BOK: variants seen among roughly 807,000 people sequenced by gnomAD.
BOK encodes BCL2 family apoptosis regulator BOK, also known as bcl-2-related ovarian killer protein.
BOK carries 20 observed loss-of-function variants against 18.3 expected under a neutral mutation model. The ratio of observed to expected loss-of-function variants is 1.09; its 90% CI spans 0.77 to 1.59. The LOEUF (loss-of-function observed/expected upper bound fraction) is 1.59, where lower values mean the gene tolerates loss of function less well. Ranked by LOEUF, BOK falls within the 40% of genes most tolerant of loss-of-function variation. The pLI is 0.00. For missense variants in BOK, 348 were observed against 307.9 expected (o/e 1.13, Z -0.97); for synonymous variants, 173 against 142.4 (o/e 1.21, Z -1.53).
chr2:241,562,193 T>C lies in BOK; in HGVS notation c.221-155T>C, dbSNP rs1338132796. Among the ~76,000 whole-genome samples, 1 of 152,088 alleles carries C rather than the reference T, an allele frequency of 6.6e-6. No homozygotes were observed. Among genetic ancestry groups the C allele is most frequent in the African/African-American group, 2.4e-5 (1 of 41,426 alleles). On this transcript the variant is annotated intron_variant, in intron 2 of 4. Transcript: ENST00000318407. This position sits in a 1 kb window ranked among gnomAD's most constrained non-coding sequence, Gnocchi z 4.5. Reference sequence around the variant, plus strand: ...GGGGGATGGCCCAAGGGAGGTCAGATGGGGTCAAGTGGAGGTGGGAATCAG... The same window carrying C: ...GGGGGATGGCCCAAGGGAGGTCAGACGGGGTCAAGTGGAGGTGGGAATCAG...
intron 4 of BOK, 142 bp downstream of exon 4, chr2:241,570,430 AGTGGCGG>A: frequency 2.9e-5 from 2 of 69,162 alleles, no homozygotes; most frequent in Non-Finnish European, 2.4e-5. Flanking sequence ...TACGGGAGGG[AGTGGCGG>A]ATGGGTGAGT....
At chr2:241,561,294 A>C (rs1342341350) in intron 2 of BOK, among the ~76,000 whole-genome samples, 2 of 152,258 alleles carry the variant, frequency 1.3e-5, no homozygotes, top group African/African-American at 2.4e-5. Flanking sequence ...CAAGGGTGCC[A>C]CAGGCAGCAC....
At chr2:241,553,910 C>A (rs2066432335), upstream of BOK, among the ~76,000 whole-genome samples, 1 of 152,186 alleles carries the variant, frequency 6.6e-6, no homozygotes, top group Non-Finnish European at 1.5e-5. Context: ...TGGAAGCCTT[C>A]CAAGACCGGC....
intron 2 of BOK, among the ~76,000 whole-genome samples, chr2:241,561,953 C>G (rs1000999794): frequency 2.0e-5 from 3 of 152,254 alleles, no homozygotes; most frequent in African/African-American, 7.2e-5. Flanking sequence ...CAGCCCCTCC[C>G]CACGTCGGGG....
intron 3 of BOK, 83 bp from the exon 4 acceptor site, chr2:241,570,042 G>A (rs537638546): frequency 1.2e-4 from 183 of 1,470,726 alleles, no homozygotes; most frequent in African/African-American, 1.7e-4. Flanking sequence ...GCAGGACAGC[G>A]GCTCAGAGAG....
chr2:241,557,002 C>T (rs2066457732), upstream of BOK, among the ~76,000 whole-genome samples: 1 of 152,144 alleles, frequency 6.6e-6, no homozygotes, highest in Non-Finnish European at 1.5e-5. Flanking sequence ...AATGCACTGT[C>T]AAAAAGTCCT....
In BOK at chr2:241,573,680, A is replaced by G. The variant is rs1290592722; in HGVS notation, c.*1258A>G. The G allele has an allele frequency of 6.6e-6, 1 of 152,228 alleles. No homozygotes were observed. Among genetic ancestry groups the G allele is most frequent in the Admixed American group, 6.5e-5 (1 of 15,274 alleles). 9.4% of individuals were successfully genotyped at this position (152,228 alleles called of 1,614,324 possible). A position where few individuals can be genotyped will look rare whatever the true frequency, so the allele number is the denominator to read the frequency against. On this transcript the variant is annotated 3_prime_UTR_variant, in exon 5 of 5. Transcript: ENST00000318407. ...TGTTGCATGAGTCGGATCCCAGTCC[A>G]TTGTCAGTGGAGGGTGAGGGTGACC...
At position 241,572,789 on chromosome 2, in the gene BOK, C is replaced by A. The variant is rs1275464088; in HGVS notation, c.*367C>A. 1 of 245,462 alleles carries A rather than the reference C, an allele frequency of 4.1e-6. No individual in the cohort carries two copies. Among genetic ancestry groups the A allele is most frequent in the South Asian group, 6.3e-5 (1 of 15,952 alleles). The allele number at this position is 245,462 out of a possible 1,614,324, so 15.2% of individuals were successfully genotyped here. ...AGCCCCAGGTGAAGGGGCCCGGGAA[C>A]ACCTGCTCTCACCTGAGCCCCAGGT... On this transcript the variant is annotated 3_prime_UTR_variant, in exon 5 of 5. Transcript: ENST00000318407.
Position 241,572,533 on chromosome 2 carries a change from C to G in BOK, c.*111C>G. Reference sequence around the variant, plus strand: ...CACCCGAGCCTGGAGCACTCTAACCCTCGGAGACCCCCTAAGCCCCGTTCC... The same window carrying G: ...CACCCGAGCCTGGAGCACTCTAACCGTCGGAGACCCCCTAAGCCCCGTTCC... On this transcript the variant is annotated 3_prime_UTR_variant, in exon 5 of 5. Transcript: ENST00000318407. The G allele has an allele frequency of 1.4e-6, 2 of 1,453,512 alleles. No homozygotes were observed. The highest frequency in any genetic ancestry group is 1.8e-6 in the Non-Finnish European group (2 of 1,090,202). 90.0% of individuals were successfully genotyped at this position (1,453,512 alleles called of 1,614,324 possible).
intron 2 of BOK, chr2:241,560,381 G>A: frequency 2.5e-6 from 2 of 805,346 alleles, no homozygotes; most frequent in African/African-American, 3.7e-5. Flanking sequence ...GGCACATGGG[G>A]CGCCTGTGGC....
intron 1 of BOK, among the ~76,000 whole-genome samples, chr2:241,552,818 CGTGGGCCTTTGTGG>C (rs1386312964): frequency 6.6e-6 from 1 of 152,208 alleles, no homozygotes; most frequent in Non-Finnish European, 1.5e-5. Context: ...GCCATGGCTC[CGTGGGCCTTTGTGG>C]GCAGGTACTG....
In BOK at chr2:241,570,281, G is replaced by A; in HGVS notation, c.506G>A (p.Gly169Asp). ...CTGGCAACCTGGCTGCGGAGACGCG[G>A]CGGATGGGTGAGCGCCTGAGTGCCC... ...KTLATWLRRRGGWTDVLKCVV... is the reference protein window; with the variant it reads ...KTLATWLRRRDGWTDVLKCVV... Residue 169 changes from glycine (G) to aspartate (D), a missense_variant, in exon 4 of 5, where the codon GGC becomes GAC. Transcript: ENST00000318407. 3 of 1,557,266 alleles carry A rather than the reference G, an allele frequency of 1.9e-6. No homozygotes were observed. The highest frequency in any genetic ancestry group is 2.6e-6 in the Non-Finnish European group (3 of 1,151,998).
rs2066553012 is a variant in BOK, at chr2:241,562,878, G to A, written c.349+402G>A. ...GCTGTGTCCCAAGGAGGAGTGGCAA[G>A]GAGCAGGTTTCCCAGACAGCTCCCG... On this transcript the variant is annotated intron_variant, in intron 3 of 4. Transcript: ENST00000318407. The surrounding 1 kb of genome is among the most constrained non-coding windows in gnomAD (Gnocchi z 4.5). 6.6e-6 allele frequency among the ~76,000 whole-genome samples: 1 copy of A among 152,178 alleles called. No individual in the cohort carries two copies. The highest frequency in any genetic ancestry group is 2.1e-4 in the South Asian group (1 of 4,834).
chr2:241,556,530 C>T (rs58243793), upstream of BOK, among the ~76,000 whole-genome samples: 5,286 of 142,916 alleles, frequency 0.037, 316 homozygotes, highest in African/African-American at 0.14. Context: ...TTGCAGTGAG[C>T]CGAGTTTACG....
In BOK at chr2:241,562,903, G is replaced by A. The variant is rs1221758486; in HGVS notation, c.349+427G>A. 2.0e-5 allele frequency among the ~76,000 whole-genome samples: 3 copies of A among 152,166 alleles called. No individual in the cohort carries two copies. The highest frequency in any genetic ancestry group is 4.4e-5 in the Non-Finnish European group (3 of 68,042). On this transcript the variant is annotated intron_variant, in intron 3 of 4. Transcript: ENST00000318407. The surrounding 1 kb of genome is among the most constrained non-coding windows in gnomAD (Gnocchi z 4.5). ...GGAGCAGGTTTCCCAGACAGCTCCC[G>A]AGTAGATGCTGCCAGGCTGTTAGGA... is the stretch of plus-strand genomic sequence containing the variant.
chr2:241,563,642 G>T lies in BOK; in HGVS notation c.349+1166G>T, dbSNP rs1258323562. ...GGAGGCCTTGCACACCCTTGTCTGG[G>T]AGCTGGTGTGGGTCCGTGGCCAGTC... is the stretch of plus-strand genomic sequence containing the variant. On this transcript the variant is annotated intron_variant, in intron 3 of 4. Transcript: ENST00000318407. Among the ~76,000 whole-genome samples, 4 of 152,350 alleles carry T rather than the reference G, an allele frequency of 2.6e-5. No individual in the cohort carries two copies. In the East Asian group the frequency reaches 7.7e-4, roughly 29 times the overall value.
chr2:241,562,747 A>G lies in BOK; in HGVS notation c.349+271A>G, dbSNP rs2066550454. ...TGATTGGTTGTAGTTGTGGTCCAGC[A>G]TCCGTGGGGCCGCGTGACCTGCAGT... On this transcript the variant is annotated intron_variant, in intron 3 of 4. Transcript: ENST00000318407. This position sits in a 1 kb window ranked among gnomAD's most constrained non-coding sequence, Gnocchi z 4.5. 6.6e-6 allele frequency among the ~76,000 whole-genome samples: 1 copy of G among 152,204 alleles called. No homozygotes were observed. The highest frequency in any genetic ancestry group is 2.1e-4 in the South Asian group (1 of 4,832).
upstream of BOK, among the ~76,000 whole-genome samples, chr2:241,555,505 A>G (rs139762431): frequency 0.015 from 2,226 of 152,086 alleles, 26 homozygotes; most frequent in South Asian, 0.035. Flanking sequence ...CCTCCCGAGT[A>G]GCTGGGATTA....
intron 3 of BOK, among the ~76,000 whole-genome samples, chr2:241,568,115 G>A (rs1288843801): frequency 6.6e-6 from 1 of 152,096 alleles, no homozygotes; most frequent in Admixed American, 6.5e-5. Flanking sequence ...AGAGCCCCAT[G>A]CCTTCTTTTA....
Sources: allele counts gnomAD v4.1 joint callset (sites outside exome capture counted in the v4.1 genomes callset), GRCh38; gene constraint gnomAD v4.1.1; non-coding constraint Gnocchi (gnomAD v3.1); transcripts MANE v1.5; gene names NCBI Gene and HGNC (gene_info 2026-07-23, HGNC 2026-07-21).